Variants in AKAP13 observed in about 807,000 individuals in gnomAD.
The protein encoded by AKAP13 is A-kinase anchoring protein 13.
A neutral mutation model predicts 264.5 loss-of-function variants in AKAP13; 80 were observed. The ratio of observed to expected loss-of-function variants is 0.30; its 90% CI spans 0.25 to 0.36. The LOEUF (loss-of-function observed/expected upper bound fraction) is 0.36. Among genes scored for constraint, AKAP13 ranks in the 10% least tolerant of loss-of-function variants. The pLI, the probability that AKAP13 is intolerant of heterozygous loss-of-function variation, is 1.00. For synonymous variants in AKAP13, 1,380 were observed against 1,250.2 expected (o/e 1.10, Z -2.19); for missense variants, 3,712 against 3,435.2 (o/e 1.08, Z -2.01).
chr15:85,570,231 A>G (rs955268148), intron 5 of AKAP13, among the ~76,000 whole-genome samples: 1 of 152,074 alleles, frequency 6.6e-6, no homozygotes, highest in African/African-American at 2.4e-5. Context: ...AGGATGGATC[A>G]CCTGAGTTCA....
chr15:85,506,646 A>G (rs2076232524), intron 2 of AKAP13, among the ~76,000 whole-genome samples: 1 of 152,224 alleles, frequency 6.6e-6, no homozygotes, highest in African/African-American at 2.4e-5. Flanking sequence ...AGGAGAGCTC[A>G]TACTTCATTG....
chr15:85,621,710 A>G (rs1306940416), intron 8 of AKAP13, among the ~76,000 whole-genome samples: 1 of 152,170 alleles, frequency 6.6e-6, no homozygotes, highest in Non-Finnish European at 1.5e-5. Flanking sequence ...ACTTCCATAT[A>G]CGTTACTTAA....
At chr15:85,465,593 C>A (rs976949859) in intron 1 of AKAP13, among the ~76,000 whole-genome samples, 2 of 148,138 alleles carry the variant, frequency 1.4e-5, no homozygotes, top group African/African-American at 5.0e-5. Context: ...TGAGTGAGAA[C>A]ATGCGGTGTT....
At chr15:85,483,466 T>A (rs2075410458) in intron 1 of AKAP13, among the ~76,000 whole-genome samples, 2 of 151,158 alleles carry the variant, frequency 1.3e-5, no homozygotes, top group Non-Finnish European at 2.9e-5. Context: ...CTCTACTAAA[T>A]ATACAAAAAA....
At chr15:85,732,489 A>G (rs1185025206) in intron 30 of AKAP13, among the ~76,000 whole-genome samples, 1 of 149,832 alleles carries the variant, frequency 6.7e-6, no homozygotes, top group Non-Finnish European at 1.5e-5. Context: ...TACATCATAT[A>G]TAATTTAAAT....
intron 5 of AKAP13, among the ~76,000 whole-genome samples, chr15:85,559,179 T>A (rs1434000162): frequency 1.3e-5 from 2 of 152,186 alleles, no homozygotes; most frequent in Non-Finnish European, 2.9e-5. Flanking sequence ...TTTCTCAGCC[T>A]CACTAAGTGG....
chr15:85,541,888 C>CAG (rs1451404237), intron 4 of AKAP13, among the ~76,000 whole-genome samples: 1 of 152,198 alleles, frequency 6.6e-6, no homozygotes, highest in Non-Finnish European at 1.5e-5. Flanking sequence ...GGATGTAGTG[C>CAG]AGAAGTCAGG....
chr15:85,381,145 C>T (rs2070219819), intron 1 of AKAP13, among the ~76,000 whole-genome samples: 1 of 152,100 alleles, frequency 6.6e-6, no homozygotes, highest in Non-Finnish European at 1.5e-5. Flanking sequence ...CCCAGCGAGG[C>T]CCCGAATCCT....
At chr15:85,627,992 G>C (rs2081509714) in intron 8 of AKAP13, among the ~76,000 whole-genome samples, 2 of 152,092 alleles carry the variant, frequency 1.3e-5, no homozygotes, top group African/African-American at 4.8e-5. Flanking sequence ...CCAGATTCTT[G>C]AGCAGGAATT....
At chr15:85,492,978 C>T (rs1352363946) in intron 2 of AKAP13, among the ~76,000 whole-genome samples, 2 of 152,194 alleles carry the variant, frequency 1.3e-5, no homozygotes, top group Non-Finnish European at 2.9e-5. Context: ...TAGTTGTTCA[C>T]TTTCCCCCTC....
chr15:85,472,376 A>C (rs1055665379), intron 1 of AKAP13, among the ~76,000 whole-genome samples: 1 of 152,004 alleles, frequency 6.6e-6, no homozygotes, highest in Non-Finnish European at 1.5e-5. Context: ...CAACTCAACA[A>C]ATTTTCAACA....
intron 8 of AKAP13, among the ~76,000 whole-genome samples, chr15:85,629,032 A>G (rs1433336034): frequency 1.3e-5 from 2 of 152,018 alleles, no homozygotes; most frequent in Non-Finnish European, 2.9e-5. Context: ...TGCCTCTCCA[A>G]AAAAATTTTT....
chr15:85,523,856 C>T (rs1285585508), intron 3 of AKAP13, among the ~76,000 whole-genome samples: 2 of 140,734 alleles, frequency 1.4e-5, no homozygotes, highest in Admixed American at 7.3e-5. Flanking sequence ...TCTCTGGCTT[C>T]TTGAGTTGCA....
chr15:85,590,441 T>C (rs943813656), intron 8 of AKAP13, among the ~76,000 whole-genome samples: 3 of 152,196 alleles, frequency 2.0e-5, no homozygotes, highest in African/African-American at 7.2e-5. Flanking sequence ...TGAGGAGTAA[T>C]TTTTCATTCC....
chr15:85,619,344 GGGAGGGAA>G, intron 8 of AKAP13: 1 of 984,408 alleles, frequency 1.0e-6, no homozygotes, highest in Non-Finnish European at 1.2e-6. Context: ...AGGCTGGCTA[GGGAGGGAA>G]GGAGGGAGGG....
At chr15:85,689,458 T>A (rs545662160) in intron 16 of AKAP13, among the ~76,000 whole-genome samples, 3 of 152,356 alleles carry the variant, frequency 2.0e-5, no homozygotes, top group African/African-American at 7.2e-5. Flanking sequence ...GAATCACCTT[T>A]GATAGTGTCC....
chr15:85,461,391 C>T (rs576854859), intron 1 of AKAP13, among the ~76,000 whole-genome samples: 2 of 152,330 alleles, frequency 1.3e-5, no homozygotes, highest in African/African-American at 4.8e-5. Context: ...GCTGGGATTA[C>T]AGGTGTGAGC....
chr15:85,613,691 A>AAAAAAAAAATAT (rs1313187436), intron 8 of AKAP13, among the ~76,000 whole-genome samples: 1 of 91,968 alleles, frequency 1.1e-5, no homozygotes. Flanking sequence ...AAAAAAAAAA[A>AAAAAAAAAATAT]ATATATATAT....
At chr15:85,671,457 A>AAG (rs1253445942) in intron 14 of AKAP13, among the ~76,000 whole-genome samples, 80 of 129,144 alleles carry the variant, frequency 6.2e-4, no homozygotes, top group African/African-American at 1.5e-3. Context: ...AAAAAAAAAA[A>AAG]AGAGAGAGAG....
Sources: allele counts gnomAD v4.1 joint callset (sites outside exome capture counted in the v4.1 genomes callset), GRCh38; gene constraint gnomAD v4.1.1; transcripts MANE v1.5; gene names NCBI Gene and HGNC (gene_info 2026-07-23, HGNC 2026-07-21).